PKD2: variants seen among roughly 807,000 people sequenced by gnomAD.
PKD2 encodes polycystin-2.
In PKD2, 48 loss-of-function variants were observed where a neutral mutation model predicts 105.9. The observed-to-expected ratio is 0.45, with a 90% CI of 0.36 to 0.58. The LOEUF (loss-of-function observed/expected upper bound fraction) is 0.58. Among genes scored for constraint, PKD2 ranks in the 20% least tolerant of loss-of-function variants. PKD2 has a pLI of 0.00. For missense variants in PKD2, 1,078 were observed against 1,255.3 expected (o/e 0.86, Z 2.13); for synonymous variants, 464 against 481.1 (o/e 0.96, Z 0.46).
chr4:88,074,390 C>T (rs1212965781), intron 13 of PKD2, among the ~76,000 whole-genome samples: 3 of 152,102 alleles, frequency 2.0e-5, no homozygotes, highest in Non-Finnish European at 4.4e-5. Context: ...TGCACACTTC[C>T]GCCTCCCAAA....
At chr4:88,029,390 A>G (rs1446273467) in intron 2 of PKD2, among the ~76,000 whole-genome samples, 1 of 152,136 alleles carries the variant, frequency 6.6e-6, no homozygotes, top group Non-Finnish European at 1.5e-5. Context: ...TGAACCTAGT[A>G]CCAGCTTCTG....
chr4:88,071,130 A>G (rs547278638), intron 13 of PKD2, among the ~76,000 whole-genome samples: 2 of 151,912 alleles, frequency 1.3e-5, no homozygotes, highest in South Asian at 4.2e-4. Flanking sequence ...ATCCTAGCTC[A>G]CTGCAGCCTC....
chr4:88,023,081 T>C (rs1726819204), intron 2 of PKD2, among the ~76,000 whole-genome samples: 1 of 150,820 alleles, frequency 6.6e-6, no homozygotes, highest in Admixed American at 6.6e-5. Flanking sequence ...CAAGACCCTG[T>C]CTCAAAAAAT....
At chr4:88,021,184 G>C (rs1422145590) in intron 2 of PKD2, among the ~76,000 whole-genome samples, 1 of 152,184 alleles carries the variant, frequency 6.6e-6, no homozygotes, top group African/African-American at 2.4e-5. Flanking sequence ...ACCCCTGTAC[G>C]TAAGTCTAGA....
Position 88,058,188 on chromosome 4 carries a change from T to A in PKD2, c.2019+85T>A, listed in dbSNP as rs1170863796. 1.3e-5 allele frequency: 11 copies of A among 872,712 alleles called. No individual in the cohort carries two copies. In the Admixed American group the frequency reaches 2.3e-4, roughly 19 times the overall value. 54.1% of individuals were successfully genotyped at this position (872,712 alleles called of 1,614,324 possible). A position where few individuals can be genotyped will look rare whatever the true frequency, so the allele number is the denominator to read the frequency against. On this transcript the variant is annotated intron_variant, in intron 9 of 14. Transcript: ENST00000237596. ...CTTTTCTCTCACACTTTATGTCCTA[T>A]CAATTTTAAATAAAGACCCAGGAAG...
At chr4:88,065,285 G>A (rs981202941) in intron 10 of PKD2, 89 bp from the exon 11 acceptor site, 1 of 1,132,856 alleles carries the variant, frequency 8.8e-7, no homozygotes, top group Non-Finnish European at 1.3e-6. Context: ...CACCAGGTTT[G>A]TAGTAGTTAC....
intron 2 of PKD2, 76 bp downstream of exon 2, chr4:88,019,647 A>G: frequency 1.2e-6 from 1 of 823,580 alleles, no homozygotes; most frequent in Non-Finnish European, 2.1e-6. Flanking sequence ...ATTAAAAGGA[A>G]GTGTGTATGC....
chr4:88,070,581 TA>T (rs1479359294), intron 13 of PKD2, among the ~76,000 whole-genome samples: 12 of 67,984 alleles, frequency 1.8e-4, no homozygotes, highest in Admixed American at 3.4e-4. Flanking sequence ...ATTTTATATA[TA>T]TATATATATA....
intron 7 of PKD2, 63 bp from the exon 8 acceptor site, chr4:88,056,023 A>G: frequency 9.8e-7 from 1 of 1,019,126 alleles, no homozygotes; most frequent in South Asian, 1.3e-5. Context: ...ATAATGTTTT[A>G]TTATATACAG....
chr4:88,008,772 TC>T, intron 1 of PKD2, among the ~76,000 whole-genome samples: 1 of 152,252 alleles, frequency 6.6e-6, no homozygotes, highest in African/African-American at 2.4e-5. Context: ...GCCTGGACAC[TC>T]CATTGTCCCG....
intron 11 of PKD2, 114 bp downstream of exon 11, chr4:88,065,609 C>A (rs1282890679): frequency 6.9e-6 from 7 of 1,013,536 alleles, no homozygotes; most frequent in African/African-American, 5.3e-5. Flanking sequence ...TTTTTTTTTT[C>A]CAGAGGCAGG....
At chr4:88,011,214 A>T (rs376239441) in intron 1 of PKD2, among the ~76,000 whole-genome samples, 1 of 152,190 alleles carries the variant, frequency 6.6e-6, no homozygotes, top group Non-Finnish European at 1.5e-5. Context: ...AAGATAAAAT[A>T]TGGCACTCTG....
At chr4:88,053,465 T>TG (rs1720191049) in intron 7 of PKD2, among the ~76,000 whole-genome samples, 1 of 152,100 alleles carries the variant, frequency 6.6e-6, no homozygotes, top group South Asian at 2.1e-4. Context: ...GATACCAGCC[T>TG]GGGCAACATG....
Position 88,058,203 on chromosome 4 carries a change from G to A in PKD2, c.2019+100G>A. On this transcript the variant is annotated intron_variant, in intron 9 of 14. Coordinates refer to ENST00000237596, the MANE Select transcript of PKD2 (RefSeq NM_000297.4). ...TTATGTCCTATCAATTTTAAATAAA[G>A]ACCCAGGAAGTAGAAAAAAGTGTGG... is the stretch of plus-strand genomic sequence containing the variant. 1.7e-5 allele frequency: 13 copies of A among 773,624 alleles called. No individual in the cohort carries two copies. The South Asian group carries it at 1.9e-4, about 11-fold the overall frequency. The allele number at this position is 773,624 out of a possible 1,614,324, so 47.9% of individuals were successfully genotyped here.
At chr4:88,008,378 CGCCGGCCGGG>C (rs1726267995) in intron 1 of PKD2, 50 bp downstream of exon 1, 2 of 1,481,646 alleles carry the variant, frequency 1.3e-6, no homozygotes, top group African/African-American at 2.9e-5. Context: ...GAACGGCCGG[CGCCGGCCGGG>C]GCCATCGCCC....
At chr4:88,028,163 C>T (rs1489715643) in intron 2 of PKD2, among the ~76,000 whole-genome samples, 1 of 152,166 alleles carries the variant, frequency 6.6e-6, no homozygotes, top group Non-Finnish European at 1.5e-5. Context: ...TTGTTTATCT[C>T]TGAAAGAAAG....
intron 7 of PKD2, among the ~76,000 whole-genome samples, chr4:88,054,643 G>T (rs903495462): frequency 7.0e-6 from 1 of 142,934 alleles, no homozygotes; most frequent in Non-Finnish European, 1.5e-5. Context: ...CAGGGATCAT[G>T]ACTCTACTTT....
chr4:88,070,619 GAGAGAGAGAA>G (rs1179910559), intron 13 of PKD2, among the ~76,000 whole-genome samples: 2 of 147,092 alleles, frequency 1.4e-5, no homozygotes, highest in Non-Finnish European at 3.0e-5. Context: ...GAGAGAGAGA[GAGAGAGAGAA>G]AGAGAGAGAG....
chr4:88,070,649 G>A (rs1346606005), intron 13 of PKD2, among the ~76,000 whole-genome samples: 1 of 149,720 alleles, frequency 6.7e-6, no homozygotes, highest in Non-Finnish European at 1.5e-5. Context: ...GAGAGAGACA[G>A]GGAGACAGGG....
Sources: gnomAD v4.1 joint callset for allele counts (sites outside exome capture counted in the v4.1 genomes callset) on GRCh38, gnomAD v4.1.1 for gene constraint, MANE v1.5 for transcripts, NCBI Gene and HGNC (gene_info 2026-07-23, HGNC 2026-07-21) for gene names.